PTPRC: variants seen among roughly 807,000 people sequenced by gnomAD.
PTPRC encodes protein tyrosine phosphatase receptor type C.
Under a neutral mutation model 155.9 loss-of-function variants are expected in PTPRC, and 44 were observed. The ratio of observed to expected loss-of-function variants is 0.28; its 90% CI spans 0.22 to 0.36. PTPRC has a LOEUF of 0.36. Ranked by LOEUF, PTPRC falls within the 10% of genes least tolerant of loss-of-function variation. PTPRC has a pLI of 1.00. For missense variants in PTPRC, 1,401 were observed against 1,564.6 expected (o/e 0.90, Z 1.76); for synonymous variants, 525 against 533.1 (o/e 0.98, Z 0.21).
At chr1:198,648,084 C>G (rs1663031940) in intron 2 of PTPRC, among the ~76,000 whole-genome samples, 1 of 151,872 alleles carries the variant, frequency 6.6e-6, no homozygotes, top group Non-Finnish European at 1.5e-5. Context: ...GTCCCTGTTA[C>G]AACCAGATTT....
chr1:198,688,631 T>C (rs893654504), intron 2 of PTPRC, among the ~76,000 whole-genome samples: 1 of 152,222 alleles, frequency 6.6e-6, no homozygotes, highest in Non-Finnish European at 1.5e-5. Flanking sequence ...CACATTGTGA[T>C]TTAATCTGCA....
In PTPRC at chr1:198,699,589, C is replaced by A; in HGVS notation, c.324C>A (p.His108Gln). The A allele has an allele frequency of 6.2e-7, 1 of 1,614,222 alleles. No individual in the cohort carries two copies. Among genetic ancestry groups the A allele is most frequent in the Non-Finnish European group, 8.5e-7 (1 of 1,180,042 alleles). The change falls in exon 5 of 33, where the codon CAC (histidine) becomes CAA (glutamine). Residue 108 changes from histidine to glutamine, a missense_variant. Around this residue, in one of 3 missense-constraint regions of PTPRC, gnomAD observed 867 missense variants for 970.4 expected, o/e 0.89. Coordinates refer to ENST00000442510, the MANE Select transcript of PTPRC (RefSeq NM_002838.5). ...TTGVSSVQTP[H>Q]LPTHADSQTP... ...GTGTTTCATCAGTACAGACGCCTCA[C>A]CTTCCCACGCACGCAGACTCGCAGA...
chr1:198,745,946 T>C (rs1655117318), intron 26 of PTPRC, among the ~76,000 whole-genome samples: 3 of 151,750 alleles, frequency 2.0e-5, no homozygotes, highest in Non-Finnish European at 4.4e-5. Context: ...TAATTTTCAA[T>C]AGCACAGATA....
intron 2 of PTPRC, among the ~76,000 whole-genome samples, chr1:198,660,387 A>G (rs1403086839): frequency 6.6e-6 from 1 of 152,048 alleles, no homozygotes; most frequent in Non-Finnish European, 1.5e-5. Flanking sequence ...TATGATTTGC[A>G]CATTTATCTT....
At chr1:198,708,800 G>A (rs1001703633) in intron 10 of PTPRC, among the ~76,000 whole-genome samples, 49 of 150,508 alleles carry the variant, frequency 3.3e-4, no homozygotes, top group African/African-American at 1.2e-3. Flanking sequence ...ACTAATAATT[G>A]AGATAGTATT....
intron 16 of PTPRC, among the ~76,000 whole-genome samples, chr1:198,728,916 C>A (rs923177627): frequency 1.3e-5 from 2 of 151,986 alleles, no homozygotes; most frequent in African/African-American, 4.8e-5. Context: ...TCACCCTCCT[C>A]TCTCCTCTCT....
intron 2 of PTPRC, among the ~76,000 whole-genome samples, chr1:198,645,593 A>G (rs1418978446): frequency 1.3e-5 from 2 of 151,798 alleles, no homozygotes; most frequent in Non-Finnish European, 2.9e-5. Flanking sequence ...CTTTGAAATT[A>G]TGTGATACTC....
In PTPRC at chr1:198,709,638, C is replaced by T. The variant is rs370172439; in HGVS notation, c.1034-49C>T. On this transcript the variant is annotated intron_variant, in intron 10 of 32. Coordinates refer to ENST00000442510, the MANE Select transcript of PTPRC (RefSeq NM_002838.5). ...TGTGAAATTAGAAAATAAATGTGTG[C>T]GTGAAATATTGCATCGATATATTCA... 154 of 1,391,518 alleles carry T rather than the reference C, an allele frequency of 1.1e-4. No homozygotes were observed. The East Asian group carries it at 1.8e-3, about 16-fold the overall frequency. 86.2% of individuals were successfully genotyped at this position (1,391,518 alleles called of 1,614,324 possible).
intron 14 of PTPRC, among the ~76,000 whole-genome samples, chr1:198,721,520 G>T (rs111952396): frequency 2.0e-5 from 3 of 152,076 alleles, no homozygotes; most frequent in African/African-American, 7.2e-5. Flanking sequence ...GATTATTGAT[G>T]ATTTCTAATG....
intron 2 of PTPRC, among the ~76,000 whole-genome samples, chr1:198,650,930 T>A (rs1482214979): frequency 3.3e-5 from 5 of 151,866 alleles, no homozygotes; most frequent in African/African-American, 1.2e-4. Context: ...AAATTCCACA[T>A]AAAAATCTGA....
At chr1:198,721,615 A>G (rs1441039867) in intron 14 of PTPRC, among the ~76,000 whole-genome samples, 2 of 151,916 alleles carry the variant, frequency 1.3e-5, no homozygotes, top group Non-Finnish European at 2.9e-5. Context: ...TTAATTTCTT[A>G]TTGCTACTAA....
intron 2 of PTPRC, among the ~76,000 whole-genome samples, chr1:198,688,199 A>G (rs1241456651): frequency 6.6e-6 from 1 of 152,136 alleles, no homozygotes; most frequent in East Asian, 1.9e-4. Flanking sequence ...TCAGTGGAGG[A>G]ATTTAGAATC....
At chr1:198,723,610 G>T (rs975293483) in intron 15 of PTPRC, among the ~76,000 whole-genome samples, 4 of 151,910 alleles carry the variant, frequency 2.6e-5, no homozygotes, top group African/African-American at 9.7e-5. Context: ...CTATTAAATT[G>T]TAAATAATTT....
chr1:198,681,004 T>G (rs141248003), intron 2 of PTPRC, among the ~76,000 whole-genome samples: 66 of 152,274 alleles, frequency 4.3e-4, no homozygotes, highest in African/African-American at 1.6e-3. Flanking sequence ...ATAATGCTTA[T>G]CACATAGAGA....
chr1:198,670,276 T>A (rs1266243189), intron 2 of PTPRC, among the ~76,000 whole-genome samples: 2 of 152,164 alleles, frequency 1.3e-5, no homozygotes, highest in African/African-American at 2.4e-5. Context: ...ATCTCCATGA[T>A]GAAATATTTA....
intron 2 of PTPRC, among the ~76,000 whole-genome samples, chr1:198,692,023 A>C (rs1168159511): frequency 6.6e-6 from 1 of 152,128 alleles, no homozygotes; most frequent in Non-Finnish European, 1.5e-5. Flanking sequence ...TAAATAATGC[A>C]TTTGGGAAAA....
chr1:198,694,383 C>G, intron 3 of PTPRC: 2 of 1,080,222 alleles, frequency 1.9e-6, no homozygotes, highest in Non-Finnish European at 2.4e-6. Context: ...GTTAATCTCC[C>G]TTGGCAATAC....
chr1:198,750,762 AC>A, intron 29 of PTPRC, 136 bp downstream of exon 29: 1 of 1,116,378 alleles, frequency 9.0e-7, no homozygotes. Flanking sequence ...GCTCAGTCTT[AC>A]CCCTTTCACC....
At position 198,732,491 on chromosome 1, in the gene PTPRC, C is replaced by G; in HGVS notation, c.2077C>G (p.Arg693Gly). The G allele has an allele frequency of 6.2e-7, 1 of 1,610,458 alleles. No individual in the cohort carries two copies. Residue 693 changes from arginine to glycine, a missense_variant, in exon 20 of 33, where the codon CGT (arginine) becomes GGT (glycine). By Grantham distance (125) the Arg-to-Gly change is moderately radical. Around this residue, in one of 3 missense-constraint regions of PTPRC, gnomAD observed 867 missense variants for 970.4 expected, o/e 0.89. Coordinates refer to ENST00000442510, the MANE Select transcript of PTPRC (RefSeq NM_002838.5). ...YVDILPYDYN[R>G]VELSEINGDA... ...TTTTCCTTAAACAGATGATTATAAC[C>G]GTGTTGAACTCTCTGAGATAAACGG...
Sources: gnomAD v4.1 joint callset for allele counts (sites outside exome capture counted in the v4.1 genomes callset) on GRCh38, gnomAD v4.1.1 for gene constraint, gnomAD v4.1.1 regional missense constraint, MANE v1.5 for transcripts, NCBI Gene and HGNC (gene_info 2026-07-23, HGNC 2026-07-21) for gene names.